Variants in SGCZ observed in about 807,000 individuals in gnomAD.
SGCZ encodes the protein sarcoglycan zeta, also known as zeta-sarcoglycan.
SGCZ carries 40 observed loss-of-function variants against 41.3 expected under a neutral mutation model. The observed-to-expected ratio is 0.97, with a 90% confidence interval of 0.75 to 1.26. The LOEUF is 1.26. Ranked by LOEUF, SGCZ falls within the 50% of genes most tolerant of loss-of-function variation. SGCZ has a pLI of 0.00. For missense variants in SGCZ, 552 were observed against 369.8 expected (o/e 1.49, Z -4.04); for synonymous variants, 206 against 137.5 (o/e 1.50, Z -3.49).
At chr8:15,177,387 G>A (rs1165233460) in intron 1 of SGCZ, among the ~76,000 whole-genome samples, 1 of 152,146 alleles carries the variant, frequency 6.6e-6, no homozygotes, top group Non-Finnish European at 1.5e-5. Context: ...AAGGAGCTGA[G>A]GCCTTACCTC....
rs577633318 is a variant in SGCZ, at chr8:14,535,845, C to G, written c.234+18887G>C. Among the ~76,000 whole-genome samples the G allele has an allele frequency of 8.6e-5, 13 of 151,740 alleles. No individual in the cohort carries two copies. The East Asian group carries it at 2.5e-3, about 30-fold the overall frequency. ...TAATTATCCAAGTTAGAGAAAAATT[C>G]ATGAAGTAATATTAAAAACCATGAC... is the stretch of plus-strand genomic sequence containing the variant. On this transcript the variant is annotated intron_variant, in intron 2 of 7. Coordinates refer to ENST00000382080, the MANE Select transcript of SGCZ (RefSeq NM_139167.4).
chr8:14,219,019 A>G (rs1806097488), intron 4 of SGCZ, among the ~76,000 whole-genome samples: 1 of 152,342 alleles, frequency 6.6e-6, no homozygotes, highest in East Asian at 1.9e-4. Context: ...GGAGAGGTGA[A>G]AAAGCTTGAT....
chr8:15,210,661 A>C (rs991925657), intron 1 of SGCZ, among the ~76,000 whole-genome samples: 1 of 152,066 alleles, frequency 6.6e-6, no homozygotes, highest in African/African-American at 2.4e-5. Context: ...AAGTATGAGC[A>C]ATCCAATACT....
At chr8:14,358,697 C>T (rs532647701) in intron 2 of SGCZ, among the ~76,000 whole-genome samples, 48 of 152,160 alleles carry the variant, frequency 3.2e-4, no homozygotes, top group African/African-American at 1.1e-3. Context: ...CTGCAACTTC[C>T]ACCTCTCGGG....
intron 1 of SGCZ, among the ~76,000 whole-genome samples, chr8:14,583,821 C>A (rs1197944584): frequency 1.6e-5 from 2 of 128,042 alleles, no homozygotes; most frequent in African/African-American, 5.4e-5. Flanking sequence ...ATTTATATGG[C>A]AAAACATATA....
At chr8:14,687,500 C>T (rs971054581) in intron 1 of SGCZ, among the ~76,000 whole-genome samples, 1 of 151,686 alleles carries the variant, frequency 6.6e-6, no homozygotes, top group Non-Finnish European at 1.5e-5. Flanking sequence ...CAATTTCATC[C>T]ATGTCCCTAC....
Position 14,729,235 on chromosome 8 carries a change from A to G in SGCZ, c.40-174309T>C, listed in dbSNP as rs188109108. ...CCCAATGCATGAAGTAACCATGCCC[A>G]GTCACGACAACGCTTAATGACTGCC... On this transcript the variant is annotated intron_variant, in intron 1 of 7. Transcript: ENST00000382080. Among the ~76,000 whole-genome samples, 135 of 152,310 alleles carry G rather than the reference A, an allele frequency of 8.9e-4. 1 individual carries two copies. The highest frequency in any genetic ancestry group is 3.1e-3 in the African/African-American group (127 of 41,582).
At chr8:14,912,459 A>G (rs1355311697) in intron 1 of SGCZ, among the ~76,000 whole-genome samples, 1 of 152,108 alleles carries the variant, frequency 6.6e-6, no homozygotes, top group Non-Finnish European at 1.5e-5. Flanking sequence ...TGAGAACTAT[A>G]CATATTTAGA....
At chr8:15,021,290 G>A (rs986878948) in intron 1 of SGCZ, among the ~76,000 whole-genome samples, 5 of 152,106 alleles carry the variant, frequency 3.3e-5, no homozygotes, top group African/African-American at 1.2e-4. Context: ...GACTAATATG[G>A]TGAATTCAGG....
chr8:14,443,873 C>T (rs909520139), intron 2 of SGCZ, among the ~76,000 whole-genome samples: 2 of 152,110 alleles, frequency 1.3e-5, no homozygotes, highest in African/African-American at 4.8e-5. Flanking sequence ...AGTGAACAGG[C>T]AACCTACAGA....
At chr8:14,426,731 A>G (rs1340848580) in intron 2 of SGCZ, among the ~76,000 whole-genome samples, 1 of 152,166 alleles carries the variant, frequency 6.6e-6, no homozygotes, top group Non-Finnish European at 1.5e-5. Context: ...CTCTCACAGC[A>G]GGCAACTGGA....
chr8:14,782,909 G>A (rs986501156), intron 1 of SGCZ, among the ~76,000 whole-genome samples: 1 of 152,108 alleles, frequency 6.6e-6, no homozygotes, highest in African/African-American at 2.4e-5. Flanking sequence ...GAAATAAGAT[G>A]TGCTGAATCT....
Position 14,603,698 on chromosome 8 carries a change from T to C in SGCZ, c.40-48772A>G, listed in dbSNP as rs7009211. 5.9e-5 allele frequency among the ~76,000 whole-genome samples: 9 copies of C among 152,316 alleles called. No individual in the cohort carries two copies. The East Asian group carries it at 1.5e-3, about 26-fold the overall frequency. On this transcript the variant is annotated intron_variant, in intron 1 of 7. Coordinates refer to ENST00000382080, the MANE Select transcript of SGCZ (RefSeq NM_139167.4). ...TAATTTTTCTTGACACTTTCACTGA[T>C]AGCAGTTATCTGTTGTTGTTAATTT...
chr8:14,169,243 A>G (rs971177547), intron 4 of SGCZ, among the ~76,000 whole-genome samples: 1 of 152,164 alleles, frequency 6.6e-6, no homozygotes, highest in Non-Finnish European at 1.5e-5. Context: ...TTTCTGAAGA[A>G]TGTATGTTGA....
intron 1 of SGCZ, among the ~76,000 whole-genome samples, chr8:14,895,882 T>C (rs972079157): frequency 3.3e-5 from 5 of 152,182 alleles, no homozygotes; most frequent in Non-Finnish European, 7.3e-5. Context: ...AATGGGATAT[T>C]TTATTTATTA....
At chr8:15,021,199 T>G (rs1334724997) in intron 1 of SGCZ, among the ~76,000 whole-genome samples, 1 of 152,234 alleles carries the variant, frequency 6.6e-6, no homozygotes, top group Non-Finnish European at 1.5e-5. Flanking sequence ...GATTTAGAAC[T>G]GGTATCAATT....
At chr8:14,407,017 C>A (rs188382907) in intron 2 of SGCZ, among the ~76,000 whole-genome samples, 83 of 150,872 alleles carry the variant, frequency 5.5e-4, no homozygotes, top group African/African-American at 2.0e-3. Context: ...GCCTGTCCTG[C>A]ATCAATATGA....
chr8:14,175,164 G>T (rs1804505772), intron 4 of SGCZ, among the ~76,000 whole-genome samples: 1 of 152,062 alleles, frequency 6.6e-6, no homozygotes, highest in African/African-American at 2.4e-5. Context: ...ATTTTTAAAT[G>T]CCAATCTCTA....
intron 2 of SGCZ, among the ~76,000 whole-genome samples, chr8:14,514,939 G>C (rs896445910): frequency 2.2e-4 from 33 of 151,526 alleles, no homozygotes; most frequent in Non-Finnish European, 4.3e-4. Flanking sequence ...ATGACTAGTA[G>C]AATATTTCAA....
Sources: allele counts gnomAD v4.1 joint callset (sites outside exome capture counted in the v4.1 genomes callset), GRCh38; gene constraint gnomAD v4.1.1; transcripts MANE v1.5; gene names NCBI Gene and HGNC (gene_info 2026-07-23, HGNC 2026-07-21).